CELF2: variants seen among roughly 807,000 people sequenced by gnomAD.
CELF2 encodes the protein CUG triplet repeat RNA-binding protein 2.
A neutral mutation model predicts 62.6 loss-of-function variants in CELF2; 8 were observed. The observed-to-expected ratio is 0.13, with a 90% CI of 0.07 to 0.23. The LOEUF is 0.23. Ranked by LOEUF, CELF2 falls within the 10% of genes least tolerant of loss-of-function variation. The pLI, the probability that CELF2 is intolerant of heterozygous loss-of-function variation, is 1.00. For synonymous variants in CELF2, 258 were observed against 250.0 expected, an observed-to-expected ratio of 1.03 and a Z score of -0.30; for missense variants, 333 against 671.0, an observed-to-expected ratio of 0.50 and a Z score of 5.56.
chr10:10,827,637 G>A (rs1356312473), intron 1 of CELF2, among the ~76,000 whole-genome samples: 1 of 152,102 alleles, frequency 6.6e-6, no homozygotes, highest in Non-Finnish European at 1.5e-5. Flanking sequence ...TGTCACAGGG[G>A]AGCTGATTTA....
intron 1 of CELF2, among the ~76,000 whole-genome samples, chr10:11,119,450 G>A (rs2057266809): frequency 6.6e-6 from 1 of 152,094 alleles, no homozygotes; most frequent in South Asian, 2.1e-4. Context: ...ATTTTAAACA[G>A]AAAAATAATG....
the CELF2 span, among the ~76,000 whole-genome samples, chr10:10,723,282 C>G: frequency 1.3e-5 from 2 of 152,146 alleles, no homozygotes; most frequent in Non-Finnish European, 2.9e-5. Flanking sequence ...AAGTAAACGT[C>G]AACTATGTCT....
chr10:10,903,384 CT>C (rs1591717104), intron 1 of CELF2, among the ~76,000 whole-genome samples: 1 of 152,174 alleles, frequency 6.6e-6, no homozygotes, highest in East Asian at 1.9e-4. Flanking sequence ...GTACACATAC[CT>C]CCTTTCTACT....
At chr10:10,760,057 A>T in the CELF2 span, among the ~76,000 whole-genome samples, 1 of 152,046 alleles carries the variant, frequency 6.6e-6, no homozygotes, top group Non-Finnish European at 1.5e-5. Flanking sequence ...GGCATGTGCC[A>T]TCACGCCTGG....
At chr10:10,874,655 T>C (rs372906409) in intron 1 of CELF2, among the ~76,000 whole-genome samples, 1 of 152,204 alleles carries the variant, frequency 6.6e-6, no homozygotes, top group African/African-American at 2.4e-5. Context: ...TCATAATATA[T>C]GTTGATGTTG....
chr10:10,662,342 C>T, the CELF2 span, among the ~76,000 whole-genome samples: 5 of 152,182 alleles, frequency 3.3e-5, no homozygotes, highest in African/African-American at 1.2e-4. Flanking sequence ...TTTGCCCAGG[C>T]TTAAGATAAG....
At chr10:11,119,942 C>G (rs2057400396) in intron 1 of CELF2, among the ~76,000 whole-genome samples, 1 of 139,088 alleles carries the variant, frequency 7.2e-6, no homozygotes, top group Non-Finnish European at 1.5e-5. Context: ...CATAGGTACA[C>G]TTTGAATTTT....
chr10:11,060,118 A>G (rs2066378365), intron 1 of CELF2, among the ~76,000 whole-genome samples: 2 of 152,194 alleles, frequency 1.3e-5, no homozygotes, highest in Non-Finnish European at 2.9e-5. Flanking sequence ...CAGTATTTGA[A>G]GAGTTGAAGT....
intron 2 of CELF2, among the ~76,000 whole-genome samples, chr10:10,987,954 A>T (rs2052977540): frequency 6.6e-6 from 1 of 152,048 alleles, no homozygotes; most frequent in Non-Finnish European, 1.5e-5. Context: ...TAAAACGTCA[A>T]AAAACAGTAG....
At chr10:11,301,292 TTCA>T (rs1006228169) in intron 9 of CELF2, among the ~76,000 whole-genome samples, 4 of 151,722 alleles carry the variant, frequency 2.6e-5, no homozygotes, top group African/African-American at 9.7e-5. Context: ...AAGAGTCTTG[TTCA>T]CCATCCCACC....
chr10:11,188,502 A>G (rs375320798), intron 2 of CELF2, among the ~76,000 whole-genome samples: 1 of 151,918 alleles, frequency 6.6e-6, no homozygotes, highest in Non-Finnish European at 1.5e-5. Context: ...TCTCACTTGT[A>G]TTGTTTCAGA....
At chr10:10,526,408 C>A in the CELF2 span, among the ~76,000 whole-genome samples, 1 of 152,218 alleles carries the variant, frequency 6.6e-6, no homozygotes, top group Non-Finnish European at 1.5e-5. Context: ...GACTGGCTTT[C>A]TCACCTTTCT....
chr10:10,615,300 A>G, the CELF2 span, among the ~76,000 whole-genome samples: 1 of 152,098 alleles, frequency 6.6e-6, no homozygotes, highest in South Asian at 2.1e-4. Flanking sequence ...CTTGCAGCCC[A>G]TTGTGATCAT....
the CELF2 span, among the ~76,000 whole-genome samples, chr10:10,551,910 G>A: frequency 6.6e-6 from 1 of 152,008 alleles, no homozygotes; most frequent in African/African-American, 2.4e-5. Flanking sequence ...TTAGAGGGCC[G>A]CATGCTGCTT....
At chr10:10,859,367 G>A (rs1231910235) in intron 1 of CELF2, among the ~76,000 whole-genome samples, 3 of 152,100 alleles carry the variant, frequency 2.0e-5, no homozygotes, top group African/African-American at 7.2e-5. Flanking sequence ...GTTAAGAAGA[G>A]GCTAAATGAA....
intron 1 of CELF2, among the ~76,000 whole-genome samples, chr10:11,130,925 C>T (rs1224345712): frequency 6.6e-6 from 1 of 152,100 alleles, no homozygotes; most frequent in African/African-American, 2.4e-5. Context: ...TATGAGAATC[C>T]CCTGAAAGTA....
intron 1 of CELF2, among the ~76,000 whole-genome samples, chr10:11,160,712 A>G (rs941803725): frequency 8.7e-5 from 13 of 150,078 alleles, no homozygotes; most frequent in African/African-American, 3.2e-4. Flanking sequence ...CAGATTTTCT[A>G]TCTTTACGCA....
In CELF2 at chr10:11,046,456, A is replaced by G. The variant is rs1413002540; in HGVS notation, c.74+28293A>G. On this transcript the variant is annotated intron_variant, in intron 1 of 12. Transcript: ENST00000633077. The surrounding 1 kb of genome is among the most constrained non-coding windows in gnomAD (Gnocchi z 4.6). ...GCCTCTGATGACACCGAAATGAAAT[A>G]TAAAGGGAAGATAAAGTATATTAAG... 6.6e-6 allele frequency among the ~76,000 whole-genome samples: 1 copy of G among 152,232 alleles called. No homozygotes were observed. The highest frequency in any genetic ancestry group is 1.5e-5 in the Non-Finnish European group (1 of 68,040).
chr10:10,606,115 T>A, the CELF2 span, among the ~76,000 whole-genome samples: 2 of 152,198 alleles, frequency 1.3e-5, no homozygotes, highest in African/African-American at 4.8e-5. Flanking sequence ...CAAGTAAATA[T>A]GGCCTTGGTT....
Sources: allele counts gnomAD v4.1 joint callset (sites outside exome capture counted in the v4.1 genomes callset), GRCh38; gene constraint gnomAD v4.1.1; non-coding constraint Gnocchi (gnomAD v3.1); transcripts MANE v1.5; gene names NCBI Gene and HGNC (gene_info 2026-07-23, HGNC 2026-07-21).